LTBP1: variants seen among roughly 807,000 people sequenced by gnomAD.
The protein encoded by LTBP1 is latent transforming growth factor beta binding protein 1, also known as latent-transforming growth factor beta-binding protein 1.
In LTBP1, 129 loss-of-function variants were observed where a neutral mutation model predicts 207.6. The ratio of observed to expected loss-of-function variants is 0.62; its 90% CI spans 0.54 to 0.72. The LOEUF (loss-of-function observed/expected upper bound fraction) is 0.72. Among genes scored for constraint, LTBP1 ranks in the 30% least tolerant of loss-of-function variants. The pLI is 0.00. For missense variants in LTBP1, 2,281 were observed against 2,217.2 expected (o/e 1.03, Z -0.58); for synonymous variants, 963 against 833.7 (o/e 1.16, Z -2.67).
intron 26 of LTBP1, among the ~76,000 whole-genome samples, chr2:33,354,728 A>ACACACACACACACACACC (rs751452437): frequency 3.8e-5 from 4 of 106,632 alleles, no homozygotes; most frequent in African/African-American, 1.3e-4. Context: ...ACACACACAC[A>ACACACACACACACACACC]CCATTGTATC....
At chr2:33,049,424 T>C (rs1369861275) in intron 3 of LTBP1, among the ~76,000 whole-genome samples, 2 of 152,194 alleles carry the variant, frequency 1.3e-5, no homozygotes, top group African/African-American at 4.8e-5. Flanking sequence ...AATGTGTCTT[T>C]TTCAAATATC....
At chr2:33,236,680 G>A (rs571782447) in intron 9 of LTBP1, among the ~76,000 whole-genome samples, 1 of 152,106 alleles carries the variant, frequency 6.6e-6, no homozygotes, top group Admixed American at 6.5e-5. Context: ...AAAATGAATG[G>A]GAAGATGCCT....
At chr2:33,036,191 G>A (rs936138480) in intron 3 of LTBP1, among the ~76,000 whole-genome samples, 6 of 152,116 alleles carry the variant, frequency 3.9e-5, no homozygotes, top group African/African-American at 1.4e-4. Flanking sequence ...ATAAAATACG[G>A]CTTGTTGGGC....
At chr2:33,267,885 C>G (rs1203627867) in intron 15 of LTBP1, among the ~76,000 whole-genome samples, 4 of 152,176 alleles carry the variant, frequency 2.6e-5, no homozygotes, top group Admixed American at 2.6e-4. Context: ...AGTAGCCTTG[C>G]TATAGGAAGT....
intron 2 of LTBP1, among the ~76,000 whole-genome samples, chr2:32,984,887 C>T (rs1683305447): frequency 1.3e-5 from 2 of 152,038 alleles, no homozygotes; most frequent in Admixed American, 6.6e-5. Flanking sequence ...GCTGAGATTG[C>T]GCCACTGAAC....
chr2:33,042,708 A>G (rs1277988561), intron 3 of LTBP1, among the ~76,000 whole-genome samples: 2 of 152,256 alleles, frequency 1.3e-5, no homozygotes, highest in Non-Finnish European at 2.9e-5. Flanking sequence ...TTTGTCATCC[A>G]GACTGATCTA....
chr2:32,992,468 G>T (rs1684566327), intron 2 of LTBP1, among the ~76,000 whole-genome samples: 1 of 152,214 alleles, frequency 6.6e-6, no homozygotes, highest in Non-Finnish European at 1.5e-5. Flanking sequence ...TATCTTATTT[G>T]CTCAGCATGT....
At chr2:33,216,141 A>G (rs2090680603) in intron 7 of LTBP1, among the ~76,000 whole-genome samples, 1 of 152,154 alleles carries the variant, frequency 6.6e-6, no homozygotes, top group Non-Finnish European at 1.5e-5. Context: ...TGTACTGTGT[A>G]CTGGAATATA....
chr2:33,215,788 T>C (rs1374060521), intron 7 of LTBP1, among the ~76,000 whole-genome samples: 2 of 148,900 alleles, frequency 1.3e-5, no homozygotes, highest in African/African-American at 5.0e-5. Context: ...GAATCTGGGC[T>C]CACTGCAATC....
chr2:33,302,386 A>C (rs78325738), intron 22 of LTBP1, among the ~76,000 whole-genome samples: 1 of 152,272 alleles, frequency 6.6e-6, no homozygotes, highest in African/African-American at 2.4e-5. Context: ...GCAGGGTCCA[A>C]GTTTTTGAAG....
chr2:33,023,720 A>C (rs2075284673), intron 3 of LTBP1, among the ~76,000 whole-genome samples: 1 of 152,180 alleles, frequency 6.6e-6, no homozygotes, highest in Non-Finnish European at 1.5e-5. Context: ...TCCTGCTCTT[A>C]AGGAGATTTT....
At chr2:33,032,054 G>A (rs1490975257) in intron 3 of LTBP1, among the ~76,000 whole-genome samples, 1 of 152,198 alleles carries the variant, frequency 6.6e-6, no homozygotes, top group East Asian at 1.9e-4. Flanking sequence ...GAAGGATTCA[G>A]ACTGCCAGTC....
intron 9 of LTBP1, among the ~76,000 whole-genome samples, chr2:33,231,024 A>G (rs1406909053): frequency 6.6e-6 from 1 of 152,250 alleles, no homozygotes; most frequent in Non-Finnish European, 1.5e-5. Context: ...ATGACTCAGT[A>G]TTCCACAAAC....
chr2:33,160,901 C>T (rs1055158713), intron 5 of LTBP1, among the ~76,000 whole-genome samples: 1 of 152,100 alleles, frequency 6.6e-6, no homozygotes, highest in African/African-American at 2.4e-5. Flanking sequence ...CAGCACCTAC[C>T]CTATAGGTGC....
intron 2 of LTBP1, among the ~76,000 whole-genome samples, chr2:32,951,202 A>G (rs1020439800): frequency 6.6e-6 from 1 of 152,222 alleles, no homozygotes; most frequent in Non-Finnish European, 1.5e-5. Flanking sequence ...CCAGCATCTA[A>G]GCAATGTGAC....
chr2:33,150,704 CTTTTTCTTTTTTTTT>C (rs1558710351), intron 5 of LTBP1, among the ~76,000 whole-genome samples: 2 of 108,842 alleles, frequency 1.8e-5, no homozygotes, highest in African/African-American at 3.5e-5. Flanking sequence ...TTTCTTTTTT[CTTTTTCTTTTTTTTT>C]TTTTTTTTTT....
At position 33,398,860 on chromosome 2, in the gene LTBP1, G is replaced by T; in HGVS notation, c.*315G>T. ...TATGTTGTTTTGTTTTTTTACTATT[G>T]CTTGATTAAATTTGGCATTTAAATA... On this transcript the variant is annotated 3_prime_UTR_variant, in exon 34 of 34. Coordinates refer to ENST00000404816, the MANE Select transcript of LTBP1 (RefSeq NM_206943.4). 5.5e-6 allele frequency: 1 copy of T among 181,666 alleles called. No homozygotes were observed. The highest frequency in any genetic ancestry group is 1.1e-5 in the Non-Finnish European group (1 of 87,446). The allele number at this position is 181,666 out of a possible 1,614,324, so 11.3% of individuals were successfully genotyped here.
At chr2:32,980,400 C>A (rs1162448228) in intron 2 of LTBP1, among the ~76,000 whole-genome samples, 5 of 152,076 alleles carry the variant, frequency 3.3e-5, no homozygotes, top group African/African-American at 9.6e-5. Context: ...GACAACCTAA[C>A]ACTGATTGCA....
chr2:33,380,711 T>C (rs2150381391), intron 31 of LTBP1, among the ~76,000 whole-genome samples: 1 of 152,332 alleles, frequency 6.6e-6, no homozygotes, highest in East Asian at 1.9e-4. Context: ...TATTTTCCCC[T>C]CCTGTATTTT....
Sources: allele counts gnomAD v4.1 joint callset (sites outside exome capture counted in the v4.1 genomes callset), GRCh38; gene constraint gnomAD v4.1.1; transcripts MANE v1.5; gene names NCBI Gene and HGNC (gene_info 2026-07-23, HGNC 2026-07-21).